SUGCT: variants seen among roughly 807,000 people sequenced by gnomAD.
SUGCT encodes succinyl-CoA:glutarate-CoA transferase, also known as succinyl-CoA:glutarate CoA-transferase.
A neutral mutation model predicts 55.0 loss-of-function variants in SUGCT; 41 were observed. The ratio of observed to expected loss-of-function variants is 0.74; its 90% CI spans 0.58 to 0.97. The LOEUF (loss-of-function observed/expected upper bound fraction) is 0.97, where lower values mean the gene tolerates loss of function less well. Ranked by LOEUF, SUGCT falls within the 50% of genes least tolerant of loss-of-function variation. The pLI, the probability that SUGCT is intolerant of heterozygous loss-of-function variation, is 0.00. For missense variants in SUGCT, 568 were observed against 547.8 expected, an observed-to-expected ratio of 1.04 and a Z score of -0.37; for synonymous variants, 187 against 200.4, an observed-to-expected ratio of 0.93 and a Z score of 0.56.
chr7:40,211,738 G>A (rs1234152699), intron 6 of SUGCT, among the ~76,000 whole-genome samples: 1 of 152,158 alleles, frequency 6.6e-6, no homozygotes, highest in African/African-American at 2.4e-5. Flanking sequence ...AGTGACATGA[G>A]TGGAGCTTAA....
chr7:40,757,098 T>C (rs1342797482), intron 13 of SUGCT, among the ~76,000 whole-genome samples: 1 of 152,202 alleles, frequency 6.6e-6, no homozygotes, highest in Non-Finnish European at 1.5e-5. Context: ...ATTGAGTGCC[T>C]GGAGTCTTCT....
chr7:40,915,241 C>T, the SUGCT span, among the ~76,000 whole-genome samples: 1 of 152,072 alleles, frequency 6.6e-6, no homozygotes, highest in East Asian at 1.9e-4. Context: ...TCGAAGGTCA[C>T]TAAGGGAAAG....
chr7:40,612,510 T>C (rs1477515932), intron 12 of SUGCT, among the ~76,000 whole-genome samples: 12 of 152,176 alleles, frequency 7.9e-5, no homozygotes, highest in Admixed American at 7.9e-4. Flanking sequence ...AGCTTTTGTT[T>C]AGCTTACAAG....
Position 40,675,984 on chromosome 7 carries a change from T to A in SUGCT, c.1090-73450T>A, listed in dbSNP as rs181464146. Among the ~76,000 whole-genome samples the A allele has an allele frequency of 1.2e-4, 19 of 152,262 alleles. No individual in the cohort carries two copies. The East Asian group carries it at 3.1e-3, about 25-fold the overall frequency. ...GGGAGACCAGTGAGGTGGCTGAGGCTAGTCACATCTGGAAAGCAGATAAAA... is the reference window on the plus strand; with the variant it reads ...GGGAGACCAGTGAGGTGGCTGAGGCAAGTCACATCTGGAAAGCAGATAAAA... On this transcript the variant is annotated intron_variant, in intron 12 of 13. Transcript: ENST00000335693.
At chr7:40,378,937 A>G (rs1356795801) in intron 9 of SUGCT, among the ~76,000 whole-genome samples, 1 of 152,216 alleles carries the variant, frequency 6.6e-6, no homozygotes, top group African/African-American at 2.4e-5. Context: ...AAGTGTGACT[A>G]TTATCACATA....
At chr7:40,659,624 G>C (rs986833176) in intron 12 of SUGCT, among the ~76,000 whole-genome samples, 2 of 152,180 alleles carry the variant, frequency 1.3e-5, no homozygotes, top group Admixed American at 1.3e-4. Flanking sequence ...CAGGATTCTT[G>C]TGGGTCATAT....
At chr7:40,686,169 C>T (rs1784454687) in intron 12 of SUGCT, among the ~76,000 whole-genome samples, 2 of 151,978 alleles carry the variant, frequency 1.3e-5, no homozygotes, top group Non-Finnish European at 2.9e-5. Context: ...CCATTGTTTC[C>T]CTTTTTTTGC....
At chr7:40,624,116 C>T (rs1199528457) in intron 12 of SUGCT, among the ~76,000 whole-genome samples, 1 of 152,132 alleles carries the variant, frequency 6.6e-6, no homozygotes, top group Non-Finnish European at 1.5e-5. Context: ...TTACTGGTTA[C>T]TCTTCCTGGA....
chr7:40,404,363 G>A (rs966737790), intron 9 of SUGCT, among the ~76,000 whole-genome samples: 3 of 152,070 alleles, frequency 2.0e-5, no homozygotes, highest in Admixed American at 1.3e-4. Context: ...TGTTGGTACC[G>A]AGACAATGAC....
At chr7:40,160,805 G>A (rs1447618318) in intron 1 of SUGCT, among the ~76,000 whole-genome samples, 7 of 151,988 alleles carry the variant, frequency 4.6e-5, no homozygotes, top group African/African-American at 1.7e-4. Flanking sequence ...ATAGTGACAT[G>A]CAAATTTTTA....
chr7:41,012,401 G>A, the SUGCT span, among the ~76,000 whole-genome samples: 1 of 152,190 alleles, frequency 6.6e-6, no homozygotes, highest in Non-Finnish European at 1.5e-5. Flanking sequence ...CCTGCTCTGT[G>A]ATCCTGGTCA....
chr7:40,523,637 G>A (rs1169860621), intron 12 of SUGCT, among the ~76,000 whole-genome samples: 8 of 152,126 alleles, frequency 5.3e-5, no homozygotes, highest in African/African-American at 1.4e-4. Flanking sequence ...TTCTAGGGGA[G>A]GATCTACTTC....
chr7:40,654,338 T>C (rs368100244), intron 12 of SUGCT, among the ~76,000 whole-genome samples: 1 of 152,212 alleles, frequency 6.6e-6, no homozygotes, highest in South Asian at 2.1e-4. Flanking sequence ...AAGCTCCTTG[T>C]TAGCTGCCAA....
chr7:40,896,826 A>C, the SUGCT span, among the ~76,000 whole-genome samples: 1 of 152,228 alleles, frequency 6.6e-6, no homozygotes, highest in Non-Finnish European at 1.5e-5. Flanking sequence ...TGAAAATTCC[A>C]ATGTCATTTT....
chr7:40,153,359 A>T, intron 1 of SUGCT: 1 of 361,598 alleles, frequency 2.8e-6, no homozygotes. Context: ...ACTGGAAGAG[A>T]TTCTGGGGGT....
At chr7:40,937,586 A>G in the SUGCT span, among the ~76,000 whole-genome samples, 500 of 152,222 alleles carry the variant, frequency 3.3e-3, 3 homozygotes, top group Middle Eastern at 0.01. Context: ...TGTTAGCTGC[A>G]TATGTGTTTA....
intron 12 of SUGCT, among the ~76,000 whole-genome samples, chr7:40,587,717 G>A (rs922676444): frequency 6.6e-6 from 1 of 152,058 alleles, no homozygotes; most frequent in Non-Finnish European, 1.5e-5. Flanking sequence ...AATGAAAATA[G>A]CTACCATATG....
the SUGCT span, among the ~76,000 whole-genome samples, chr7:40,949,867 A>G: frequency 6.6e-6 from 1 of 152,152 alleles, no homozygotes; most frequent in Non-Finnish European, 1.5e-5. Flanking sequence ...GCCTTATGGT[A>G]TAGTATCGAA....
At chr7:40,188,436 A>G (rs1222750617) in intron 3 of SUGCT, 59 bp from the exon 4 acceptor site, 1 of 546,916 alleles carries the variant, frequency 1.8e-6, no homozygotes, top group East Asian at 6.8e-5. Flanking sequence ...TCCATCTCCA[A>G]AAAAAAAAAA....
Sources: allele counts gnomAD v4.1 joint callset (sites outside exome capture counted in the v4.1 genomes callset), GRCh38; gene constraint gnomAD v4.1.1; transcripts MANE v1.5; gene names NCBI Gene and HGNC (gene_info 2026-07-23, HGNC 2026-07-21).